Variants in SEMA3C observed in about 807,000 individuals in gnomAD.
SEMA3C encodes semaphorin-3C.
SEMA3C carries 47 observed loss-of-function variants against 89.4 expected under a neutral mutation model. The ratio of observed to expected loss-of-function variants is 0.53; its 90% CI spans 0.42 to 0.67. The LOEUF is 0.67. SEMA3C is among the 30% of genes least tolerant of loss of function. The pLI, the probability that SEMA3C is intolerant of heterozygous loss-of-function variation, is 0.00. For missense variants in SEMA3C, 839 were observed against 929.1 expected, an observed-to-expected ratio of 0.90 and a Z score of 1.26; for synonymous variants, 310 against 320.2, an observed-to-expected ratio of 0.97 and a Z score of 0.34.
rs1444884905 is a variant in SEMA3C, at chr7:80,745,015, G to T, written c.2135C>A (p.Thr712Asn). 1.2e-6 allele frequency: 2 copies of T among 1,614,056 alleles called. No individual in the cohort carries two copies. The highest frequency in any genetic ancestry group is 1.7e-6 in the Non-Finnish European group (2 of 1,179,994). Residue 712 changes from threonine (T) to asparagine (N), a missense_variant, in exon 18 of 18, where the codon ACT becomes AAT. By Grantham distance (65) the Thr-to-Asn change is moderately conservative. Transcript: ENST00000265361. ...ATCTCCCTGCTGATGTTGCTGCCGA[G>T]TGTCTTTGCAATATTGGTTAATCAT... Reference protein sequence around the residue: ...MQMINQYCKDTRQQHQQGDES... With the variant: ...MQMINQYCKDNRQQHQQGDES...
intron 15 of SEMA3C, among the ~76,000 whole-genome samples, chr7:80,752,614 C>CAAAA (rs10660428): frequency 5.6e-4 from 62 of 111,318 alleles, no homozygotes; most frequent in African/African-American, 2.1e-3. Context: ...GACTCCATCT[C>CAAAA]AAAAAAAAAA....
chr7:80,745,323 A>G lies in SEMA3C; in HGVS notation c.1843-16T>C. 6.2e-7 allele frequency: 1 copy of G among 1,606,728 alleles called. No individual in the cohort carries two copies. The highest frequency in any genetic ancestry group is 8.5e-7 in the Non-Finnish European group (1 of 1,177,016). On this transcript the variant is annotated splice_polypyrimidine_tract_variant and intron_variant, in intron 17 of 17. Coordinates refer to ENST00000265361, the MANE Select transcript of SEMA3C (RefSeq NM_006379.5). ...TCAGCTTAACCTAAAAGAGAGACAA[A>G]TTAAAGTTACTGAAACTGAACATTA...
Position 80,742,932 on chromosome 7 carries a change from A to G in SEMA3C, c.*1962T>C, listed in dbSNP as rs1441609862. 1 of 151,978 alleles carries G rather than the reference A, an allele frequency of 6.6e-6. No individual in the cohort carries two copies. Among genetic ancestry groups the G allele is most frequent in the African/African-American group, 2.4e-5 (1 of 41,438 alleles). The allele number at this position is 151,978 out of a possible 1,614,324, so 9.4% of individuals were successfully genotyped here. The stretch of plus-strand genomic sequence containing the variant: ...CAATTTAATAATTGTGAAAATAGAA[A>G]GAATTAAATAGCACAAATATAGTAT... On this transcript the variant is annotated 3_prime_UTR_variant, in exon 18 of 18. Coordinates refer to ENST00000265361, the MANE Select transcript of SEMA3C (RefSeq NM_006379.5).
intron 4 of SEMA3C, among the ~76,000 whole-genome samples, chr7:80,819,743 A>G (rs1222112333): frequency 6.6e-6 from 1 of 152,172 alleles, no homozygotes; most frequent in Non-Finnish European, 1.5e-5. Context: ...TGTAATTCTC[A>G]ATTGACTGTG....
chr7:80,824,203 A>C (rs1310637931), intron 4 of SEMA3C, among the ~76,000 whole-genome samples: 1 of 152,190 alleles, frequency 6.6e-6, no homozygotes, highest in Non-Finnish European at 1.5e-5. Flanking sequence ...TTAATTGCTA[A>C]CACTTTATGT....
At chr7:80,916,218 A>G (rs559385318) in intron 2 of SEMA3C, among the ~76,000 whole-genome samples, 1 of 152,348 alleles carries the variant, frequency 6.6e-6, no homozygotes, top group South Asian at 2.1e-4. Flanking sequence ...AAGAAGAAAC[A>G]CCATTAGAAC....
intron 11 of SEMA3C, among the ~76,000 whole-genome samples, chr7:80,794,995 C>T (rs745663053): frequency 9.9e-5 from 15 of 152,076 alleles, no homozygotes; most frequent in Non-Finnish European, 2.1e-4. Flanking sequence ...GAGATTTCTG[C>T]CAGTCTCATT....
intron 2 of SEMA3C, among the ~76,000 whole-genome samples, chr7:80,888,860 C>T (rs1309040209): frequency 6.6e-6 from 1 of 150,934 alleles, no homozygotes; most frequent in African/African-American, 2.5e-5. Flanking sequence ...ATTTGAAATG[C>T]ATTTTAATTT....
intron 6 of SEMA3C, among the ~76,000 whole-genome samples, chr7:80,806,867 G>A (rs995698107): frequency 6.6e-6 from 1 of 152,188 alleles, no homozygotes; most frequent in African/African-American, 2.4e-5. Flanking sequence ...TAAGCTCACT[G>A]TTTAGTAATA....
rs781427178 is a variant in SEMA3C, at chr7:80,810,624, C to T, written c.525G>A (p.Val175=). The part of the protein sequence containing the change: ...RCSFNPNVNT[V]SVMINEELFS... Reference sequence around the variant, plus strand: ...TTGTCTACTTACTGATCATAACAGACACCGTGTTCACGTTGGGGTTGAAAG... The same window carrying T: ...TTGTCTACTTACTGATCATAACAGATACCGTGTTCACGTTGGGGTTGAAAG... The change falls in exon 6 of 18, where the codon GTG becomes GTA. Residue 175 remains valine (V), a synonymous_variant. Coordinates refer to ENST00000265361, the MANE Select transcript of SEMA3C (RefSeq NM_006379.5). The T allele has an allele frequency of 1.2e-6, 2 of 1,613,578 alleles. No homozygotes were observed. The highest frequency in any genetic ancestry group is 1.1e-5 in the South Asian group (1 of 91,056).
upstream of SEMA3C, chr7:80,919,242 G>T: frequency 4.1e-6 from 4 of 985,166 alleles, no homozygotes; most frequent in Non-Finnish European, 4.8e-6. Flanking sequence ...AGGGAGCCGC[G>T]GGGGCGGACC....
intron 2 of SEMA3C, among the ~76,000 whole-genome samples, chr7:80,906,483 T>A (rs1792018535): frequency 6.6e-6 from 1 of 152,096 alleles, no homozygotes; most frequent in Non-Finnish European, 1.5e-5. Context: ...GCTTTCACCA[T>A]TTCATGAATA....
intron 2 of SEMA3C, among the ~76,000 whole-genome samples, chr7:80,862,618 AAG>A (rs1273374463): frequency 2.6e-5 from 4 of 152,140 alleles, no homozygotes; most frequent in Non-Finnish European, 4.4e-5. Flanking sequence ...GGAATCAAAA[AAG>A]AGCCTGTATA....
At chr7:80,841,279 T>TA (rs1554377624) in intron 2 of SEMA3C, among the ~76,000 whole-genome samples, 1 of 152,170 alleles carries the variant, frequency 6.6e-6, no homozygotes, top group Non-Finnish European at 1.5e-5. Context: ...TAAAGCAGAA[T>TA]AAAAATATTT....
intron 2 of SEMA3C, among the ~76,000 whole-genome samples, chr7:80,912,196 T>C: frequency 6.6e-6 from 1 of 152,178 alleles, no homozygotes; most frequent in East Asian, 1.9e-4. Context: ...ATTTTTTCTC[T>C]AGGAGAAATC....
chr7:80,802,849 G>C (rs950943343), intron 8 of SEMA3C, 70 bp from the exon 9 acceptor site: 8 of 1,098,304 alleles, frequency 7.3e-6, no homozygotes, highest in Non-Finnish European at 1.1e-5. Flanking sequence ...AATTCGACTT[G>C]TACTCTAGTT....
At chr7:80,906,713 C>T (rs1450280914) in intron 2 of SEMA3C, among the ~76,000 whole-genome samples, 1 of 151,954 alleles carries the variant, frequency 6.6e-6, no homozygotes, top group Non-Finnish European at 1.5e-5. Context: ...AAGAAATATA[C>T]CAGTGTAGAT....
chr7:80,772,573 AG>A (rs1788457682), intron 12 of SEMA3C, among the ~76,000 whole-genome samples: 1 of 152,126 alleles, frequency 6.6e-6, no homozygotes, highest in African/African-American at 2.4e-5. Flanking sequence ...TCTGTATTTG[AG>A]GGGAGGCCCT....
At chr7:80,840,518 GAAAAAAAAAAAAA>G (rs1171113816) in intron 2 of SEMA3C, among the ~76,000 whole-genome samples, 2 of 82,544 alleles carry the variant, frequency 2.4e-5, no homozygotes, top group South Asian at 4.7e-4. Context: ...CTGTCTCCAG[GAAAAAAAAAAAAA>G]AAAAAAAAAA....
Sources: gnomAD v4.1 joint callset for allele counts (sites outside exome capture counted in the v4.1 genomes callset) on GRCh38, gnomAD v4.1.1 for gene constraint, MANE v1.5 for transcripts, NCBI Gene and HGNC (gene_info 2026-07-23, HGNC 2026-07-21) for gene names.